The following MYOCD variants were observed in gnomAD, a reference collection of about 807,000 sequenced individuals.
The protein encoded by MYOCD is myocardin.
MYOCD carries 32 observed loss-of-function variants against 96.1 expected under a neutral mutation model. That is an observed-to-expected ratio of 0.33 (90% confidence interval 0.25 to 0.45). The LOEUF (loss-of-function observed/expected upper bound fraction) is 0.45, where lower values mean the gene tolerates loss of function less well. Ranked by LOEUF, MYOCD falls within the 20% of genes least tolerant of loss-of-function variation. MYOCD has a pLI of 1.00. For missense variants in MYOCD, 1,133 were observed against 1,200.6 expected (o/e 0.94, Z 0.83); for synonymous variants, 469 against 469.0 (o/e 1.00, Z 0.00).
chr17:12,752,277 A>G (rs1222398194), intron 9 of MYOCD, 137 bp from the exon 10 acceptor site: 2 of 718,186 alleles, frequency 2.8e-6, no homozygotes, highest in African/African-American at 1.8e-5. Context: ...GTAGGAGAGG[A>G]AATCGGAAAG....
chr17:12,675,889 A>G (rs920031445), intron 1 of MYOCD, among the ~76,000 whole-genome samples: 1 of 152,214 alleles, frequency 6.6e-6, no homozygotes, highest in Admixed American at 6.5e-5. Context: ...AATCATATTT[A>G]TATATAAGTA....
At position 12,760,404 on chromosome 17, in the gene MYOCD, G is replaced by T. The variant is rs28730827; in HGVS notation, c.2332-246G>T. On this transcript the variant is annotated intron_variant, in intron 12 of 13. Transcript: ENST00000425538. ...GTACACGATTTTAGTCTTGCAGGAT[G>T]AAAAGAATTCTGAAGACAGATGGTG... 130,258 of 469,814 alleles carry T rather than the reference G, an allele frequency of 0.28. 20,169 individuals are homozygous for T. Among genetic ancestry groups the T allele is most frequent in the East Asian group, 0.34 (9,240 of 27,014 alleles). 29.1% of individuals were successfully genotyped at this position (469,814 alleles called of 1,614,324 possible).
At chr17:12,748,094 G>A (rs2032721220) in intron 9 of MYOCD, among the ~76,000 whole-genome samples, 1 of 148,752 alleles carries the variant, frequency 6.7e-6, no homozygotes, top group African/African-American at 2.5e-5. Context: ...CCCGGGAGGT[G>A]GAGGTTGCAG....
rs372482802 is a variant in MYOCD at position 12,737,535 on chromosome 17, C to G, written c.591+1199C>G. On this transcript the variant is annotated intron_variant, in intron 6 of 13. Transcript: ENST00000425538. Reference sequence around the variant, plus strand: ...TATGGAGCCCTTAAGAGAGATGCACCCGGGCATCCACATATGAGGGGAAGG... The same window carrying G: ...TATGGAGCCCTTAAGAGAGATGCACGCGGGCATCCACATATGAGGGGAAGG... Among the ~76,000 whole-genome samples the G allele has an allele frequency of 1.5e-4, 23 of 152,126 alleles. No homozygotes were observed. The South Asian group carries it at 4.8e-3, about 32-fold the overall frequency.
At chr17:12,697,592 G>A (rs2062011597) in intron 1 of MYOCD, among the ~76,000 whole-genome samples, 1 of 151,468 alleles carries the variant, frequency 6.6e-6, no homozygotes, top group Admixed American at 6.6e-5. Flanking sequence ...TCGATCTCCT[G>A]ACCTCGTCTC....
chr17:12,764,764 G>T lies in MYOCD; in HGVS notation c.*1120G>T, dbSNP rs2150732659. ...TTCTTTTTCTGCCTCCACATTGGGA[G>T]GGGAGGACTTCTCAGTTCTAACAAG... On this transcript the variant is annotated 3_prime_UTR_variant, in exon 14 of 14. Coordinates refer to ENST00000425538, the MANE Select transcript of MYOCD (RefSeq NM_001146312.3). 6.6e-6 allele frequency: 1 copy of T among 152,262 alleles called. No homozygotes were observed. The highest frequency in any genetic ancestry group is 2.1e-4 in the South Asian group (1 of 4,820). 9.4% of individuals were successfully genotyped at this position (152,262 alleles called of 1,614,324 possible).
intron 4 of MYOCD, chr17:12,720,414 G>A (rs1453870776): frequency 1.3e-5 from 2 of 151,968 alleles, no homozygotes; most frequent in Non-Finnish European, 2.9e-5. Flanking sequence ...CCCATTCCTC[G>A]TGTGTATCCC....
intron 12 of MYOCD, among the ~76,000 whole-genome samples, chr17:12,759,396 C>T (rs1450913497): frequency 6.6e-6 from 1 of 152,206 alleles, no homozygotes; most frequent in Non-Finnish European, 1.5e-5. Context: ...TGCTCTCTGC[C>T]TCTTTTTCTT....
chr17:12,755,305 T>G (rs1208967384), intron 10 of MYOCD, among the ~76,000 whole-genome samples: 1 of 152,164 alleles, frequency 6.6e-6, no homozygotes, highest in Admixed American at 6.5e-5. Flanking sequence ...CATTAAAAAT[T>G]TCATGATAAA....
intron 3 of MYOCD, among the ~76,000 whole-genome samples, chr17:12,716,308 A>T (rs2031638713): frequency 6.6e-6 from 1 of 152,118 alleles, no homozygotes; most frequent in Non-Finnish European, 1.5e-5. Flanking sequence ...CTACCTGGAG[A>T]ATAACAAAGA....
chr17:12,723,399 C>T (rs1428951163), intron 5 of MYOCD, among the ~76,000 whole-genome samples: 3 of 152,242 alleles, frequency 2.0e-5, no homozygotes, highest in Admixed American at 6.5e-5. Context: ...CTAGAAAACC[C>T]GGACCCTAGA....
chr17:12,714,935 C>G (rs1218925307), intron 2 of MYOCD, among the ~76,000 whole-genome samples: 6 of 152,164 alleles, frequency 3.9e-5, no homozygotes, highest in Non-Finnish European at 8.8e-5. Flanking sequence ...CCATTCTGTT[C>G]ACGGTTGGAG....
chr17:12,698,497 A>G (rs2030887567), intron 1 of MYOCD, among the ~76,000 whole-genome samples: 1 of 152,190 alleles, frequency 6.6e-6, no homozygotes, highest in South Asian at 2.1e-4. Context: ...TGAGAATAGT[A>G]ACTCTCCTAT....
intron 1 of MYOCD, among the ~76,000 whole-genome samples, chr17:12,695,100 T>C (rs976861948): frequency 1.3e-5 from 2 of 152,132 alleles, no homozygotes; most frequent in African/African-American, 4.8e-5. Flanking sequence ...GTATCCCTAG[T>C]TTAGAGATGA....
intron 9 of MYOCD, among the ~76,000 whole-genome samples, chr17:12,749,059 A>C (rs2032751255): frequency 6.6e-6 from 1 of 152,136 alleles, no homozygotes; most frequent in South Asian, 2.1e-4. Flanking sequence ...TTGTCTTGAA[A>C]AAATTACGTG....
At chr17:12,720,852 C>T (rs976636972) in intron 4 of MYOCD, among the ~76,000 whole-genome samples, 1 of 151,910 alleles carries the variant, frequency 6.6e-6, no homozygotes, top group Non-Finnish European at 1.5e-5. Context: ...GAAACCCCAT[C>T]TCTACTAAAA....
At chr17:12,719,645 G>T (rs574429481) in intron 4 of MYOCD, among the ~76,000 whole-genome samples, 1 of 148,720 alleles carries the variant, frequency 6.7e-6, no homozygotes, top group Admixed American at 6.7e-5. Context: ...CTGAGGTCAG[G>T]AGTTTGAGAC....
intron 1 of MYOCD, among the ~76,000 whole-genome samples, chr17:12,688,671 A>AATCCTTTCTTCCTTCC (rs904982053): frequency 1.7e-5 from 2 of 119,372 alleles, no homozygotes; most frequent in Non-Finnish European, 3.4e-5. Context: ...CCCTTCATTC[A>AATCCTTTCTTCCTTCC]TTCCTTTCTT....
intron 7 of MYOCD, 71 bp from the exon 8 acceptor site, chr17:12,744,112 A>G (rs1597800481): frequency 1.3e-6 from 2 of 1,552,590 alleles, no homozygotes; most frequent in East Asian, 2.3e-5. Context: ...CTGCCTCACA[A>G]CGTGTCCATG....
Sources: allele counts gnomAD v4.1 joint callset (sites outside exome capture counted in the v4.1 genomes callset), GRCh38; gene constraint gnomAD v4.1.1; transcripts MANE v1.5; gene names NCBI Gene and HGNC (gene_info 2026-07-23, HGNC 2026-07-21).